The following LHFPL4 variants were observed in gnomAD, a reference collection of about 807,000 sequenced individuals.
LHFPL4 encodes LHFPL tetraspan subfamily member 4 protein.
LHFPL4 carries 6 observed loss-of-function variants against 20.0 expected under a neutral mutation model. That is an observed-to-expected ratio of 0.30 (90% CI 0.16 to 0.59). The LOEUF (loss-of-function observed/expected upper bound fraction) is 0.59, where lower values mean the gene tolerates loss of function less well. LHFPL4 is among the 20% of genes least tolerant of loss of function. LHFPL4 has a pLI of 0.88. For missense variants in LHFPL4, 215 were observed against 331.2 expected (o/e 0.65, Z 2.72); for synonymous variants, 129 against 143.8 (o/e 0.90, Z 0.74).
intron 2 of LHFPL4, among the ~76,000 whole-genome samples, chr3:9,516,186 TTTTTTAGCCTATA>T (rs1269538798): frequency 2.0e-5 from 3 of 152,284 alleles, no homozygotes; most frequent in South Asian, 4.1e-4. Context: ...TAATCTAGCT[TTTTTTAGCCTATA>T]TTATTTTCTA....
chr3:9,502,269 C>A lies in LHFPL4; in HGVS notation c.686G>T (p.Gly229Val), dbSNP rs979954604. The change falls in exon 4 of 4, where the codon GGT (glycine) becomes GTT (valine). Residue 229 changes from glycine to valine, a missense_variant. By Grantham distance (109) the Gly-to-Val change is moderately radical (BLOSUM62 -3). Transcript: ENST00000287585. ...AAGGACTCCCCATCCAGAGACATCA[C>A]CCCCGGGCCGCAACACGGAGCTTAC... ...STVSSVLRPG[G>V]DVSGWGVLPC... 6.2e-7 allele frequency: 1 copy of A among 1,613,882 alleles called. No homozygotes were observed. Among genetic ancestry groups the A allele is most frequent in the South Asian group, 1.1e-5 (1 of 91,058 alleles).
intron 2 of LHFPL4, among the ~76,000 whole-genome samples, chr3:9,507,120 T>TA (rs1206381527): frequency 2.0e-5 from 3 of 152,192 alleles, no homozygotes; most frequent in Non-Finnish European, 4.4e-5. Flanking sequence ...CCATTGTACT[T>TA]ACCTCAAGGG....
In LHFPL4 at chr3:9,527,893, C is replaced by T. The variant is rs189852720; in HGVS notation, c.407-21690G>A. On this transcript the variant is annotated intron_variant, in intron 2 of 3. Transcript: ENST00000287585. ...TATTGCGAGTTTGGTTCCAGACCAC[C>T]GTAATAAAACAAATATTGCAATAAA... Among the ~76,000 whole-genome samples the T allele has an allele frequency of 1.6e-3, 236 of 150,664 alleles. 2 individuals carry two copies. The highest frequency in any genetic ancestry group is 5.5e-3 in the African/African-American group (226 of 40,872).
At chr3:9,524,975 A>C (rs539641278) in intron 2 of LHFPL4, among the ~76,000 whole-genome samples, 1 of 152,218 alleles carries the variant, frequency 6.6e-6, no homozygotes, top group East Asian at 1.9e-4. Flanking sequence ...TAATTTCACA[A>C]ATGCTTCTAA....
At chr3:9,536,435 T>G (rs529010063) in intron 2 of LHFPL4, among the ~76,000 whole-genome samples, 2 of 152,184 alleles carry the variant, frequency 1.3e-5, no homozygotes, top group South Asian at 4.2e-4. Context: ...GATCCTCCCT[T>G]TCTCTCACCT....
intron 2 of LHFPL4, among the ~76,000 whole-genome samples, chr3:9,532,613 G>A (rs373085032): frequency 6.6e-6 from 1 of 152,208 alleles, no homozygotes; most frequent in African/African-American, 2.4e-5. Flanking sequence ...GGGGTTACAT[G>A]CATGAGGCAC....
rs982543139 is a variant in LHFPL4 at position 9,505,986 on chromosome 3, C to G, written c.624G>C (p.Glu208Asp). 15 of 1,614,104 alleles carry G rather than the reference C, an allele frequency of 9.3e-6. No individual in the cohort carries two copies. Among genetic ancestry groups the G allele is most frequent in the Non-Finnish European group, 1.2e-5 (14 of 1,180,046 alleles). The change falls in exon 3 of 4, where the codon GAG (glutamate) becomes GAC (aspartate). Residue 208 changes from glutamate to aspartate, a missense_variant. This residue lies in a region of LHFPL4 where 164 missense variants were observed against 286.7 expected (regional missense o/e 0.57). Coordinates refer to ENST00000287585, the MANE Select transcript of LHFPL4 (RefSeq NM_198560.3). Reference protein sequence around the residue: ...GNRQTDLLQEELKPENKDFVG... With the variant: ...GNRQTDLLQEDLKPENKDFVG... ...ACTCGCCTTTGTTCTCCGGCTTGAG[C>G]TCCTCCTGCAGCAGGTCTGTTTGCC...
rs1024288551 is a variant in LHFPL4 at position 9,540,946 on chromosome 3, AT to A, written c.406+11327del. ...GAAAATAAATTTTAAAAATAAAATA[AT>A]TTTTTTTTTTGAGATGGAGTCTCAC... is the stretch of plus-strand genomic sequence containing the variant. On this transcript the variant is annotated intron_variant, in intron 2 of 3. Coordinates refer to ENST00000287585, the MANE Select transcript of LHFPL4 (RefSeq NM_198560.3). Among the ~76,000 whole-genome samples, 435 of 148,202 alleles carry A rather than the reference AT, an allele frequency of 2.9e-3. 6 individuals are homozygous for A. The East Asian group carries it at 0.05, about 17-fold the overall frequency.
At chr3:9,532,774 G>C (rs866115789) in intron 2 of LHFPL4, among the ~76,000 whole-genome samples, 52 of 152,320 alleles carry the variant, frequency 3.4e-4, no homozygotes, top group Admixed American at 5.9e-4. Context: ...GGCTGGGTGT[G>C]CTCAGGGTCT....
chr3:9,523,059 G>GA (rs1173402934), intron 2 of LHFPL4, among the ~76,000 whole-genome samples: 1 of 115,034 alleles, frequency 8.7e-6, no homozygotes, highest in Non-Finnish European at 1.7e-5. Flanking sequence ...AAAAAAAAAA[G>GA]AAAGAAAGAA....
chr3:9,534,281 T>A (rs1292177813), intron 2 of LHFPL4, among the ~76,000 whole-genome samples: 1 of 151,948 alleles, frequency 6.6e-6, no homozygotes, highest in African/African-American at 2.4e-5. Context: ...GGAAATAACT[T>A]AAATGCCCAC....
At chr3:9,505,615 A>G (rs1022841131) in intron 3 of LHFPL4, among the ~76,000 whole-genome samples, 7 of 152,108 alleles carry the variant, frequency 4.6e-5, no homozygotes, top group Admixed American at 2.0e-4. Context: ...TAGTAGAGAC[A>G]GGGTTTCACC....
chr3:9,549,288 A>G (rs1040742913), intron 2 of LHFPL4, among the ~76,000 whole-genome samples: 2 of 152,142 alleles, frequency 1.3e-5, no homozygotes, highest in African/African-American at 2.4e-5. Context: ...AGGACTAAGC[A>G]TAGGGATGGT....
At chr3:9,523,082 AAG>A (rs1353806007) in intron 2 of LHFPL4, among the ~76,000 whole-genome samples, 1 of 131,052 alleles carries the variant, frequency 7.6e-6, no homozygotes, top group African/African-American at 3.2e-5. Flanking sequence ...AAAAGGAAGA[AAG>A]AAAGAAAGAG....
intron 2 of LHFPL4, among the ~76,000 whole-genome samples, chr3:9,509,089 G>A (rs1268705000): frequency 6.6e-6 from 1 of 152,198 alleles, no homozygotes; most frequent in Non-Finnish European, 1.5e-5. Context: ...TCCTGCGGGC[G>A]GTCCTCCTCC....
At chr3:9,533,581 G>A (rs1182546516) in intron 2 of LHFPL4, among the ~76,000 whole-genome samples, 1 of 152,212 alleles carries the variant, frequency 6.6e-6, no homozygotes, top group Non-Finnish European at 1.5e-5. Flanking sequence ...AGGAGATCGA[G>A]ACCATCCTGG....
Position 9,515,201 on chromosome 3 carries a change from A to G in LHFPL4, c.407-8998T>C, listed in dbSNP as rs542639103. On this transcript the variant is annotated intron_variant, in intron 2 of 3. Coordinates refer to ENST00000287585, the MANE Select transcript of LHFPL4 (RefSeq NM_198560.3). ...CTGGATGTTGGCCATTCTAATAAGT[A>G]TGTAGTGCTATCTCATTGTTGTTTG... 2.6e-5 allele frequency among the ~76,000 whole-genome samples: 4 copies of G among 152,338 alleles called. No individual in the cohort carries two copies. The South Asian group carries it at 8.3e-4, about 32-fold the overall frequency.
At chr3:9,536,918 CA>C (rs34655189) in intron 2 of LHFPL4, among the ~76,000 whole-genome samples, 9,338 of 98,840 alleles carry the variant, frequency 0.094, 295 homozygotes, top group African/African-American at 0.13. Context: ...GACTCTGTCT[CA>C]AAAAAAAAAA....
rs1459950922 is a variant in LHFPL4, at chr3:9,505,350, C to T, written c.643+617G>A. Among the ~76,000 whole-genome samples the T allele has an allele frequency of 2.0e-5, 3 of 151,950 alleles. No homozygotes were observed. In the East Asian group the frequency reaches 5.8e-4, roughly 29 times the overall value. On this transcript the variant is annotated intron_variant, in intron 3 of 3. Transcript: ENST00000287585. ...GTGGCACAATCACAGCTCACTGCAGCCTCAACCTTCTCAGGCTCAGGTGAT... is the reference window on the plus strand; with the variant it reads ...GTGGCACAATCACAGCTCACTGCAGTCTCAACCTTCTCAGGCTCAGGTGAT...
Sources: gnomAD v4.1 joint callset for allele counts (sites outside exome capture counted in the v4.1 genomes callset) on GRCh38, gnomAD v4.1.1 for gene constraint, gnomAD v4.1.1 regional missense constraint, MANE v1.5 for transcripts, NCBI Gene and HGNC (gene_info 2026-07-23, HGNC 2026-07-21) for gene names.